Variants in HIBADH observed in about 807,000 individuals in gnomAD.
HIBADH encodes 3-hydroxyisobutyrate dehydrogenase, also known as 3-hydroxyisobutyrate dehydrogenase, mitochondrial.
HIBADH carries 25 observed loss-of-function variants against 36.1 expected under a neutral mutation model. The observed-to-expected ratio is 0.69, with a 90% CI of 0.50 to 0.97. HIBADH has a LOEUF of 0.97. HIBADH is among the 50% of genes least tolerant of loss of function. The probability of loss-of-function intolerance (pLI) is 0.00; values close to 1 mark genes in which losing one functional copy is unlikely to be tolerated. For synonymous variants in HIBADH, 160 were observed against 149.5 expected (o/e 1.07, Z -0.51); for missense variants, 421 against 418.0 (o/e 1.01, Z -0.06).
At chr7:27,615,216 A>C (rs1785405514) in intron 4 of HIBADH, among the ~76,000 whole-genome samples, 1 of 152,122 alleles carries the variant, frequency 6.6e-6, no homozygotes, top group Non-Finnish European at 1.5e-5. Flanking sequence ...GACTGCTATG[A>C]AGAAGACAGG....
At chr7:27,625,311 T>A (rs1442038244) in intron 4 of HIBADH, among the ~76,000 whole-genome samples, 1 of 152,146 alleles carries the variant, frequency 6.6e-6, no homozygotes, top group Non-Finnish European at 1.5e-5. Flanking sequence ...CTCACACAGG[T>A]ACCAAGTAAG....
chr7:27,605,586 C>CAAA lies in HIBADH; in HGVS notation c.484+23782_484+23784dup, dbSNP rs70994666. 9.8e-4 allele frequency among the ~76,000 whole-genome samples: 33 copies of CAAA among 33,600 alleles called. 3 individuals carry two copies. Among genetic ancestry groups the CAAA allele is most frequent in the East Asian group, 2.4e-3 (1 of 424 alleles). 22.0% of individuals were successfully genotyped at this position (33,600 alleles called of 152,430 possible). A position where few individuals can be genotyped will look rare whatever the true frequency, so the allele number is the denominator to read the frequency against. ...TTCCCCTCTCCAGTGTTTAGACAAG[C>CAAA]AAAAAAAAAAAAAAAAAAAAAAAAA... On this transcript the variant is annotated intron_variant, in intron 4 of 7. Transcript: ENST00000265395.
intron 3 of HIBADH, among the ~76,000 whole-genome samples, chr7:27,630,738 T>TA (rs746555787): frequency 7.9e-5 from 12 of 151,612 alleles, no homozygotes; most frequent in Non-Finnish European, 1.5e-4. Context: ...TCGTCTAAAA[T>TA]AAAAAGAAAA....
rs199648836 is a variant in HIBADH, at chr7:27,548,183, CCTCT to C, written c.485-5087_485-5084del. On this transcript the variant is annotated intron_variant, in intron 4 of 7. Coordinates refer to ENST00000265395, the MANE Select transcript of HIBADH (RefSeq NM_152740.4). ...TCTAAGCACAAATCCTCTAAGTCAG[CCTCT>C]CTCTCTCTTAAAAAAAAAAAAAAGT... Among the ~76,000 whole-genome samples the C allele has an allele frequency of 1.0e-2, 1,232 of 123,266 alleles. 13 individuals carry two copies. The highest frequency in any genetic ancestry group is 0.029 in the African/African-American group (912 of 30,954). 80.9% of individuals were successfully genotyped at this position (123,266 alleles called of 152,430 possible). A position where few individuals can be genotyped will look rare whatever the true frequency, so the allele number is the denominator to read the frequency against.
intron 6 of HIBADH, 127 bp downstream of exon 6, chr7:27,538,214 T>C (rs1320258890): frequency 2.8e-6 from 2 of 711,284 alleles, no homozygotes; most frequent in South Asian, 1.8e-5. Flanking sequence ...AGTTCAATAA[T>C]GAAGTACTTT....
At chr7:27,574,034 A>C (rs986873369) in intron 4 of HIBADH, among the ~76,000 whole-genome samples, 4 of 152,192 alleles carry the variant, frequency 2.6e-5, no homozygotes, top group Admixed American at 2.0e-4. Flanking sequence ...GATTAGAAAA[A>C]CTGAAATTGT....
At chr7:27,642,136 G>T (rs536998598) in intron 2 of HIBADH, among the ~76,000 whole-genome samples, 3 of 152,140 alleles carry the variant, frequency 2.0e-5, no homozygotes, top group Non-Finnish European at 2.9e-5. Context: ...GTGACATATT[G>T]CAAGGAAGAA....
At chr7:27,610,068 C>T (rs1785298137) in intron 4 of HIBADH, among the ~76,000 whole-genome samples, 1 of 152,100 alleles carries the variant, frequency 6.6e-6, no homozygotes, top group Admixed American at 6.5e-5. Flanking sequence ...ATCTGCCCAC[C>T]TCAGCCTCCC....
intron 1 of HIBADH, 91 bp downstream of exon 1, chr7:27,662,607 G>A (rs1381696218): frequency 2.5e-6 from 2 of 785,334 alleles, no homozygotes; most frequent in Non-Finnish European, 1.8e-6. Context: ...CCAACCGCAG[G>A]GCCTCCCGAG....
intron 4 of HIBADH, among the ~76,000 whole-genome samples, chr7:27,555,970 A>T (rs899060383): frequency 2.0e-5 from 3 of 152,170 alleles, no homozygotes; most frequent in Admixed American, 1.3e-4. Flanking sequence ...GGCATACTAA[A>T]TAAACACCTT....
chr7:27,539,275 A>C (rs978681905), intron 5 of HIBADH, among the ~76,000 whole-genome samples: 1 of 152,180 alleles, frequency 6.6e-6, no homozygotes, highest in African/African-American at 2.4e-5. Context: ...AGACACTGAA[A>C]GAAAGGCTTG....
Position 27,649,506 on chromosome 7 carries a change from A to G in HIBADH, c.219T>C (p.Asp73=). 1 of 1,613,616 alleles carries G rather than the reference A, an allele frequency of 6.2e-7. No homozygotes were observed. Among genetic ancestry groups the G allele is most frequent in the Admixed American group, 1.7e-5 (1 of 59,956 alleles). ...CTGCATCTTGAAACTCTTTGCAGGCATCAGGGAACACATCATAAATAATAA... is the reference window on the plus strand; with the variant it reads ...CTGCATCTTGAAACTCTTTGCAGGCGTCAGGGAACACATCATAAATAATAA... ...YPLIIYDVFP[D]ACKEFQDAGE... Residue 73 remains aspartate, a synonymous_variant, in exon 2 of 8, where the codon GAT becomes GAC. Transcript: ENST00000265395.
chr7:27,577,004 C>A (rs1024978489), intron 4 of HIBADH, among the ~76,000 whole-genome samples: 1 of 152,026 alleles, frequency 6.6e-6, no homozygotes, highest in South Asian at 2.1e-4. Context: ...CAATGCATAC[C>A]AAATTACTAA....
intron 4 of HIBADH, among the ~76,000 whole-genome samples, chr7:27,569,573 G>T (rs1197033050): frequency 6.6e-6 from 1 of 151,924 alleles, no homozygotes; most frequent in Non-Finnish European, 1.5e-5. Context: ...TGGCTCAAGG[G>T]TGGGCCCAGA....
intron 2 of HIBADH, among the ~76,000 whole-genome samples, chr7:27,644,697 G>A (rs1786030905): frequency 1.3e-5 from 2 of 151,744 alleles, no homozygotes; most frequent in Admixed American, 6.6e-5. Context: ...CCCAGGAGGT[G>A]GAGGTTGCAG....
At chr7:27,570,564 A>G (rs896480725) in intron 4 of HIBADH, among the ~76,000 whole-genome samples, 2 of 152,138 alleles carry the variant, frequency 1.3e-5, no homozygotes, top group African/African-American at 4.8e-5. Context: ...GCATGCGGGG[A>G]GTTTCTGGAG....
rs1339679158 is a variant in HIBADH, at chr7:27,538,454, T to C, written c.619-37A>G. ...TTGAGTACATATTAAATATCTGTAT[T>C]TTCAAGGTAAAACTCACAGGACGTT... On this transcript the variant is annotated intron_variant, in intron 5 of 7. Transcript: ENST00000265395. 1.0e-5 allele frequency: 16 copies of C among 1,572,138 alleles called. No individual in the cohort carries two copies. In the Admixed American group the frequency reaches 2.7e-4, roughly 26 times the overall value.
At chr7:27,653,494 G>A (rs1786236947) in intron 1 of HIBADH, among the ~76,000 whole-genome samples, 2 of 152,158 alleles carry the variant, frequency 1.3e-5, no homozygotes, top group African/African-American at 2.4e-5. Context: ...CCAGCACTTT[G>A]GGAGGCCGAG....
intron 4 of HIBADH, among the ~76,000 whole-genome samples, chr7:27,584,424 A>G (rs73282806): frequency 0.044 from 6,646 of 152,140 alleles, 449 homozygotes; most frequent in African/African-American, 0.15. Context: ...GAAAGTTGTT[A>G]AGTTCATATG....
Sources: gnomAD v4.1 joint callset for allele counts (sites outside exome capture counted in the v4.1 genomes callset) on GRCh38, gnomAD v4.1.1 for gene constraint, MANE v1.5 for transcripts, NCBI Gene and HGNC (gene_info 2026-07-23, HGNC 2026-07-21) for gene names.